Variants in PCDH19 observed in about 807,000 individuals in gnomAD.
PCDH19 encodes the protein protocadherin 19.
PCDH19 carries 6 observed loss-of-function variants against 46.2 expected under a neutral mutation model. That is an observed-to-expected ratio of 0.13 (90% CI 0.07 to 0.26). PCDH19 has a LOEUF of 0.26. Among genes scored for constraint, PCDH19 ranks in the 10% least tolerant of loss-of-function variants. The pLI is 1.00. For missense variants in PCDH19, 740 were observed against 972.3 expected (o/e 0.76, Z 3.18); for synonymous variants, 481 against 415.7 (o/e 1.16, Z -1.91).
intron 5 of PCDH19, among the ~76,000 whole-genome samples, chrX:100,317,519 C>T (rs751267834): frequency 9.2e-6 from 1 of 109,143 alleles, no homozygotes; most frequent in Non-Finnish European, 1.9e-5. Flanking sequence ...AATAAAAGTT[C>T]GGTCCAGAAG....
At chrX:100,317,759 G>C in intron 5 of PCDH19, among the ~76,000 whole-genome samples, 1 of 110,867 alleles carries the variant, frequency 9.0e-6, no homozygotes, top group East Asian at 2.8e-4. Flanking sequence ...ACACCAAAGA[G>C]AGCCTCCTTC....
chrX:100,342,917 G>A (rs1448009483), intron 4 of PCDH19, among the ~76,000 whole-genome samples: 4 of 112,121 alleles, frequency 3.6e-5, no homozygotes, highest in African/African-American at 1.3e-4. Context: ...CCAGATAGCT[G>A]GTTAAACATT....
intron 3 of PCDH19, among the ~76,000 whole-genome samples, chrX:100,353,527 A>T (rs1221225616): frequency 9.0e-6 from 1 of 111,647 alleles, no homozygotes; most frequent in Non-Finnish European, 1.9e-5. Flanking sequence ...TGAAAATACT[A>T]CTTCTTGGTC....
At chrX:100,363,886 T>TGTGTGTGA (rs1207488480) in intron 3 of PCDH19, among the ~76,000 whole-genome samples, 46 of 98,040 alleles carry the variant, frequency 4.7e-4, no homozygotes, top group East Asian at 8.9e-4. Context: ...TGTGTGTGTG[T>TGTGTGTGA]GAGAGAGAGG....
chrX:100,336,384 G>A (rs955948112), intron 5 of PCDH19, among the ~76,000 whole-genome samples: 1 of 112,328 alleles, frequency 8.9e-6, no homozygotes, highest in African/African-American at 3.2e-5. Flanking sequence ...AGTGTTGAAA[G>A]TGTAAACATC....
At chrX:100,362,560 G>A (rs377761012) in intron 3 of PCDH19, among the ~76,000 whole-genome samples, 8 of 108,023 alleles carry the variant, frequency 7.4e-5, no homozygotes, top group East Asian at 3.0e-4. Context: ...TTGGGAGGCC[G>A]AGGTGAGCAG....
In PCDH19 at chrX:100,409,758, G is replaced by A; in HGVS notation, c.-1161C>T. Reference sequence around the variant, plus strand: ...GCCGCCGCGGGAGGAAGCCCTCCTAGCTCAGTTGCACGTCGCTGGGGTCCG... The same window carrying A: ...GCCGCCGCGGGAGGAAGCCCTCCTAACTCAGTTGCACGTCGCTGGGGTCCG... On this transcript the variant is annotated 5_prime_UTR_variant, in exon 1 of 6. Transcript: ENST00000373034. The A allele has an allele frequency of 4.1e-6, 1 of 242,838 alleles. No individual in the cohort carries two copies. Among genetic ancestry groups the A allele is most frequent in the Non-Finnish European group, 7.3e-6 (1 of 137,350 alleles). 20.0% of individuals were successfully genotyped at this position (242,838 alleles called of 1,213,427 possible). A position where few individuals can be genotyped will look rare whatever the true frequency, so the allele number is the denominator to read the frequency against.
At chrX:100,385,248 C>T (rs775524770) in intron 3 of PCDH19, among the ~76,000 whole-genome samples, 16 of 110,398 alleles carry the variant, frequency 1.4e-4, no homozygotes, top group Admixed American at 3.9e-4. Context: ...GTGGTGGTGA[C>T]GTTTAAAACT....
intron 5 of PCDH19, among the ~76,000 whole-genome samples, chrX:100,313,743 G>T (rs1925201472): frequency 9.1e-6 from 1 of 110,415 alleles, no homozygotes; most frequent in Non-Finnish European, 1.9e-5. Context: ...GCCCTGGATG[G>T]GTCGGTGATG....
intron 3 of PCDH19, among the ~76,000 whole-genome samples, chrX:100,359,564 C>T (rs1926816616): frequency 9.0e-6 from 1 of 111,000 alleles, no homozygotes; most frequent in African/African-American, 3.3e-5. Flanking sequence ...TAAAGCTGGT[C>T]AAACTGACAA....
Position 100,339,741 on chromosome X carries a change from T to C in PCDH19, c.2848+2162A>G, listed in dbSNP as rs772949206. On this transcript the variant is annotated intron_variant, in intron 5 of 5. Transcript: ENST00000373034. The stretch of plus-strand genomic sequence containing the variant: ...TGAGGTATAAACAAGGCCCAAATTC[T>C]TTTTGTACCTAAACTTTAGGCAATC... Among the ~76,000 whole-genome samples, 150 of 111,860 alleles carry C rather than the reference T, an allele frequency of 1.3e-3. 2 individuals carry two copies. The highest frequency in any genetic ancestry group is 4.5e-3 in the African/African-American group (139 of 30,797).
At chrX:100,379,347 A>ACACACACACACACACACACACACACAC (rs66715683) in intron 3 of PCDH19, among the ~76,000 whole-genome samples, 1 of 65,276 alleles carries the variant, frequency 1.5e-5, no homozygotes, top group East Asian at 3.8e-4. Context: ...ACACACACAC[A>ACACACACACACACACACACACACACAC]CATTTCCTCC....
rs756958731 is a variant in PCDH19, at chrX:100,408,547, C to T, written c.51G>A (p.Thr17=). The T allele has an allele frequency of 2.5e-6, 3 of 1,196,148 alleles. No individual in the cohort carries two copies. The Admixed American group carries it at 6.6e-5, about 26-fold the overall frequency. The change falls in exon 1 of 6, where the codon ACG becomes ACA. Residue 17 remains threonine, a synonymous_variant. Coordinates refer to ENST00000373034, the MANE Select transcript of PCDH19 (RefSeq NM_001184880.2). ...PVLLLLAILW[T]QAAALINLKY... ...TGAGATTAATGAGGGCGGCAGCCTG[C>T]GTCCACAGTATGGCCAGCAGCAGCA...
At chrX:100,374,920 C>A (rs1000183309) in intron 3 of PCDH19, among the ~76,000 whole-genome samples, 2 of 102,029 alleles carry the variant, frequency 2.0e-5, no homozygotes, top group Non-Finnish European at 4.0e-5. Flanking sequence ...GCCCAGGCGA[C>A]AGAGCAAGAT....
intron 3 of PCDH19, among the ~76,000 whole-genome samples, chrX:100,391,381 G>A (rs1051924660): frequency 8.9e-6 from 1 of 111,740 alleles, no homozygotes; most frequent in African/African-American, 3.3e-5. Context: ...GCGTTGGACA[G>A]GAAGACATAT....
chrX:100,368,607 A>T (rs1356705923), intron 3 of PCDH19, among the ~76,000 whole-genome samples: 2 of 111,626 alleles, frequency 1.8e-5, no homozygotes, highest in Non-Finnish European at 3.8e-5. Flanking sequence ...CTGGACCCTG[A>T]GTCCCTTCCT....
chrX:100,397,599 A>G, intron 3 of PCDH19, among the ~76,000 whole-genome samples: 1 of 112,351 alleles, frequency 8.9e-6, no homozygotes. Flanking sequence ...TCAGAAAACT[A>G]AAATTTAAAA....
chrX:100,392,298 AT>A (rs1471363362), intron 3 of PCDH19, among the ~76,000 whole-genome samples: 4 of 112,484 alleles, frequency 3.6e-5, no homozygotes, highest in Non-Finnish European at 7.5e-5. Context: ...TTTCTAAAGA[AT>A]TACCAGTAAA....
chrX:100,393,992 CCT>C (rs1430832635), intron 3 of PCDH19, among the ~76,000 whole-genome samples: 2 of 111,799 alleles, frequency 1.8e-5, no homozygotes, highest in Non-Finnish European at 3.8e-5. Context: ...ACGGTGAAAC[CCT>C]GTCTCTACTA....
Sources: allele counts gnomAD v4.1 joint callset (sites outside exome capture counted in the v4.1 genomes callset), GRCh38; gene constraint gnomAD v4.1.1; transcripts MANE v1.5; gene names NCBI Gene and HGNC (gene_info 2026-07-23, HGNC 2026-07-21).